Variants in RUVBL1 observed in about 807,000 individuals in gnomAD.
RUVBL1 encodes RuvB like AAA ATPase 1, also known as ruvB-like 1.
A neutral mutation model predicts 52.4 loss-of-function variants in RUVBL1; 4 were observed. That is an observed-to-expected ratio of 0.08 (90% CI 0.04 to 0.17). The LOEUF (loss-of-function observed/expected upper bound fraction) is 0.17. Ranked by LOEUF, RUVBL1 falls within the 10% of genes least tolerant of loss-of-function variation. The pLI is 1.00. For missense variants in RUVBL1, 298 were observed against 572.8 expected (o/e 0.52, Z 4.90); for synonymous variants, 217 against 214.4 (o/e 1.01, Z -0.10).
intron 9 of RUVBL1, chr3:128,083,985 G>C (rs902391118): frequency 6.6e-6 from 1 of 152,366 alleles, no homozygotes; most frequent in African/African-American, 2.4e-5. Flanking sequence ...GGCTGAGGCA[G>C]GAGAATTGCT....
chr3:128,147,774 T>C (rs1207628612), intron 1 of RUVBL1, among the ~76,000 whole-genome samples: 4 of 152,210 alleles, frequency 2.6e-5, no homozygotes, highest in Non-Finnish European at 4.4e-5. Flanking sequence ...GTGAAACTTA[T>C]GTTGGCATAA....
In RUVBL1 at chr3:128,104,920, C is replaced by A. The variant is rs747076554; in HGVS notation, c.366G>T (p.Leu122=). The change falls in exon 4 of 11, where the codon CTG becomes CTT. Residue 122 remains leucine (L), a synonymous_variant. Transcript: ENST00000322623. ...AAACTTCCTTGGTCTCCTTTATTCG[C>A]AGCCCTGGAAGAGGTGGCAGAGGGG... ...LMENFRRAIG[L]RIKETKEVYE... The A allele has an allele frequency of 2.5e-6, 4 of 1,600,660 alleles. No homozygotes were observed. Among genetic ancestry groups the A allele is most frequent in the Non-Finnish European group, 3.4e-6 (4 of 1,168,860 alleles).
At chr3:128,124,093 C>A (rs536032209), upstream of RUVBL1, among the ~76,000 whole-genome samples, 175 of 152,292 alleles carry the variant, frequency 1.1e-3, no homozygotes, top group African/African-American at 4.0e-3. Flanking sequence ...TCCGTCCTAT[C>A]CATTAGCACA....
At position 128,093,608 on chromosome 3, in the gene RUVBL1, T is replaced by C. The variant is rs1372018056; in HGVS notation, c.1016+3692A>G. Among the ~76,000 whole-genome samples the C allele has an allele frequency of 4.6e-5, 7 of 152,130 alleles. No individual in the cohort carries two copies. In the South Asian group the frequency reaches 6.2e-4, roughly 14 times the overall value. On this transcript the variant is annotated intron_variant, in intron 8 of 10. Coordinates refer to ENST00000322623, the MANE Select transcript of RUVBL1 (RefSeq NM_003707.3). ...AAAGTGACTTTCAGTGAGAAACTCC[T>C]ACAAGAACTCCTAATCCCAGGGAGC...
downstream of RUVBL1, among the ~76,000 whole-genome samples, chr3:128,078,441 C>T (rs928571988): frequency 2.0e-5 from 3 of 152,178 alleles, no homozygotes; most frequent in African/African-American, 4.8e-5. Context: ...TTCCCAGTCT[C>T]ACAAGTATCT....
At chr3:128,125,304 C>A (rs1164876699), upstream of RUVBL1, among the ~76,000 whole-genome samples, 1 of 152,076 alleles carries the variant, frequency 6.6e-6, no homozygotes, top group East Asian at 1.9e-4. Context: ...CGTGAGCCAC[C>A]GCGCCCGGCC....
At chr3:128,125,005 CTTTTT>C (rs749620135), upstream of RUVBL1, among the ~76,000 whole-genome samples, 315 of 61,352 alleles carry the variant, frequency 5.1e-3, no homozygotes, top group South Asian at 0.025. Context: ...CTCACACCGC[CTTTTT>C]TTTTTTTTTT....
chr3:128,124,498 T>C (rs1208089348), upstream of RUVBL1, among the ~76,000 whole-genome samples: 1 of 152,182 alleles, frequency 6.6e-6, no homozygotes, highest in Non-Finnish European at 1.5e-5. Flanking sequence ...ACCTATATAA[T>C]AATGCTCATC....
At chr3:128,153,094 G>T in intron 1 of RUVBL1, 1 of 434,704 alleles carries the variant, frequency 2.3e-6, no homozygotes, top group Non-Finnish European at 3.1e-6. Flanking sequence ...GGATCCTGCT[G>T]ATTGGTGCAT....
At chr3:128,084,819 G>C (rs891301509) in intron 9 of RUVBL1, 1 of 152,220 alleles carries the variant, frequency 6.6e-6, no homozygotes, top group African/African-American at 2.4e-5. Context: ...TTATCGCCTG[G>C]GCCAGCGGGA....
At chr3:128,153,425 G>T (rs867589252) in exon 1 of RUVBL1, 2 of 1,419,892 alleles carry the variant, frequency 1.4e-6, no homozygotes, top group Admixed American at 3.1e-5. Context: ...GTTACGGGGG[G>T]GCAACTTAAC....
At chr3:128,151,933 C>G (rs1172781165) in intron 1 of RUVBL1, among the ~76,000 whole-genome samples, 1 of 152,220 alleles carries the variant, frequency 6.6e-6, no homozygotes, top group East Asian at 1.9e-4. Context: ...CAAAAACACT[C>G]TCTTCTCCAG....
chr3:128,150,298 T>G (rs1032988285), intron 1 of RUVBL1, among the ~76,000 whole-genome samples: 1 of 152,086 alleles, frequency 6.6e-6, no homozygotes, highest in Admixed American at 6.6e-5. Context: ...AGATTTGTAT[T>G]AGTCAGGATT....
chr3:128,124,022 A>C (rs1368019196), upstream of RUVBL1: 1 of 564,302 alleles, frequency 1.8e-6, no homozygotes, highest in Non-Finnish European at 2.2e-6. Context: ...CACGCCCCGG[A>C]TTTGATCTAG....
At chr3:128,116,961 C>A (rs1247655203) in intron 2 of RUVBL1, among the ~76,000 whole-genome samples, 2 of 152,094 alleles carry the variant, frequency 1.3e-5, no homozygotes, top group Non-Finnish European at 2.9e-5. Flanking sequence ...ATGATGGCAC[C>A]GTGGTCATGT....
chr3:128,121,138 C>T (rs764153628), intron 1 of RUVBL1, among the ~76,000 whole-genome samples: 5 of 151,946 alleles, frequency 3.3e-5, no homozygotes, highest in African/African-American at 4.8e-5. Flanking sequence ...CGCTGTCACC[C>T]GGGCTGGAGC....
upstream of RUVBL1, among the ~76,000 whole-genome samples, chr3:128,126,057 C>T (rs1425661873): frequency 6.6e-6 from 1 of 152,190 alleles, no homozygotes; most frequent in East Asian, 1.9e-4. Flanking sequence ...AGAGGAATAT[C>T]CCCTGGATTA....
chr3:128,153,588 A>G (rs1944295468), exon 1 of RUVBL1: 1 of 1,576,904 alleles, frequency 6.3e-7, no homozygotes, highest in African/African-American at 1.4e-5. Flanking sequence ...CGCGGGCGCT[A>G]AGCACCACAG....
intron 4 of RUVBL1, among the ~76,000 whole-genome samples, chr3:128,103,022 T>A (rs1426393014): frequency 1.1e-4 from 16 of 152,296 alleles, no homozygotes; most frequent in African/African-American, 3.8e-4. Flanking sequence ...GCATTCTCGT[T>A]GCTAGAACTC....
Sources: gnomAD v4.1 joint callset for allele counts (sites outside exome capture counted in the v4.1 genomes callset) on GRCh38, gnomAD v4.1.1 for gene constraint, MANE v1.5 for transcripts, NCBI Gene and HGNC (gene_info 2026-07-23, HGNC 2026-07-21) for gene names.